Variants in UPK1A observed in about 807,000 individuals in gnomAD.
The protein encoded by UPK1A is uroplakin-1a.
Under a neutral mutation model 32.3 loss-of-function variants are expected in UPK1A, and 31 were observed. That is an observed-to-expected ratio of 0.96 (90% CI 0.72 to 1.30). The LOEUF is 1.30. Among genes scored for constraint, UPK1A ranks in the 50% most tolerant of loss-of-function variants. UPK1A has a pLI of 0.00. For missense variants in UPK1A, 340 were observed against 357.4 expected (o/e 0.95, Z 0.39); for synonymous variants, 135 against 137.1 (o/e 0.98, Z 0.11).
chr19:35,677,823 A>G, exon 7 of UPK1A: 1 of 1,611,804 alleles, frequency 6.2e-7, no homozygotes, highest in Non-Finnish European at 8.5e-7. Flanking sequence ...GCTGCTTCGA[A>G]CACATCGGCC....
At chr19:35,670,520 T>TCTCCCCTCCCCTCGCCTCCC (rs1968074617) in intron 3 of UPK1A, among the ~76,000 whole-genome samples, 1 of 12,820 alleles carries the variant, frequency 7.8e-5, no homozygotes, top group Admixed American at 1.1e-3. Context: ...CCTCGCCTCC[T>TCTCCCCTCCCCTCGCCTCCC]CTCCCCTCCC....
At chr19:35,670,335 C>T (rs1282027970) in intron 3 of UPK1A, among the ~76,000 whole-genome samples, 2 of 151,908 alleles carry the variant, frequency 1.3e-5, no homozygotes, top group East Asian at 1.9e-4. Flanking sequence ...TGGCTTTATC[C>T]TGAGTAAGAT....
exon 8 of UPK1A, chr19:35,678,061 C>A (rs531497608): frequency 6.5e-7 from 1 of 1,527,990 alleles, no homozygotes; most frequent in South Asian, 1.3e-5. Context: ...CGGACTCCTC[C>A]GCATCCTCCT....
chr19:35,674,241 C>CTTTTTTTTTTTTTTTTTTTT (rs35857173), intron 5 of UPK1A, among the ~76,000 whole-genome samples: 15 of 98,976 alleles, frequency 1.5e-4, no homozygotes, highest in Non-Finnish European at 2.3e-4. Flanking sequence ...TTCTTTTTAT[C>CTTTTTTTTTTTTTTTTTTTT]TTTTTTTTTT....
Position 35,673,546 on chromosome 19 carries a change from G to A in UPK1A, c.468+1G>A. 2 of 1,613,094 alleles carry A rather than the reference G, an allele frequency of 1.2e-6. No individual in the cohort carries two copies. Among genetic ancestry groups the A allele is most frequent in the Non-Finnish European group, 1.7e-6 (2 of 1,179,822 alleles). On this transcript the variant is annotated splice_donor_variant, in intron 5 of 7. Coordinates refer to ENST00000617999, the Ensembl canonical transcript of UPK1A. LOFTEE classifies it high-confidence loss of function. The stretch of plus-strand genomic sequence containing the variant: ...CCTCTGGGACCGCGTCATGATTGAG[G>A]TGGGCGGGGTGGACCGGGTGCTGGG...
chr19:35,673,664 T>C, intron 5 of UPK1A, 119 bp downstream of exon 5: 1 of 832,468 alleles, frequency 1.2e-6, no homozygotes, highest in South Asian at 1.7e-5. Flanking sequence ...GCTCATGAGA[T>C]CTCTAGGAGA....
intron 6 of UPK1A, among the ~76,000 whole-genome samples, chr19:35,677,068 C>T (rs1428048955): frequency 2.0e-5 from 3 of 150,266 alleles, no homozygotes; most frequent in Non-Finnish European, 4.4e-5. Flanking sequence ...CAAAAAAGTA[C>T]AGAAAATTAG....
intron 6 of UPK1A, among the ~76,000 whole-genome samples, chr19:35,677,263 C>T (rs963787031): frequency 1.1e-4 from 16 of 151,800 alleles, no homozygotes; most frequent in South Asian, 4.2e-4. Context: ...CACAGTGGCT[C>T]ATGCCTGTAA....
rs1968130100 is a variant in UPK1A, at chr19:35,673,282, C to T, written c.336C>T (p.Ile112=). 3 of 1,613,984 alleles carry T rather than the reference C, an allele frequency of 1.9e-6. No individual in the cohort carries two copies. The Admixed American group carries it at 5.0e-5, about 27-fold the overall frequency. ...ACATCTTCGAGTGCGCCTCCTGCATCACGTCCTACACCCACCGTGACTACG... is the reference window on the plus strand; with the variant it reads ...ACATCTTCGAGTGCGCCTCCTGCATTACGTCCTACACCCACCGTGACTACG... Residue 112 remains isoleucine (I), a synonymous_variant, in exon 4 of 8, where the codon ATC becomes ATT. Transcript: ENST00000617999.
intron 6 of UPK1A, among the ~76,000 whole-genome samples, chr19:35,677,503 G>A (rs1317865085): frequency 6.6e-6 from 1 of 151,644 alleles, no homozygotes; most frequent in Non-Finnish European, 1.5e-5. Flanking sequence ...TGTAGCCTGG[G>A]TGACAGAGGG....
chr19:35,667,516 C>T (rs1463068558), intron 2 of UPK1A, among the ~76,000 whole-genome samples: 1 of 149,022 alleles, frequency 6.7e-6, no homozygotes, highest in Non-Finnish European at 1.5e-5. Flanking sequence ...TTTTTTCAGA[C>T]AGATTCTCCC....
Position 35,666,549 on chromosome 19 carries a change from G to C in UPK1A, c.-5+11G>C. 1 of 492,098 alleles carries C rather than the reference G, an allele frequency of 2.0e-6. No homozygotes were observed. Among genetic ancestry groups the C allele is most frequent in the Non-Finnish European group, 3.7e-6 (1 of 271,170 alleles). 30.5% of individuals were successfully genotyped at this position (492,098 alleles called of 1,614,324 possible). On this transcript the variant is annotated intron_variant, in intron 1 of 7. Coordinates refer to ENST00000617999, the Ensembl canonical transcript of UPK1A. ...CTGCAGACAGAGAAGGTGAGGAGGGGGCCCTGGGAGTCTGGGTATGGCATG... is the reference window on the plus strand; with the variant it reads ...CTGCAGACAGAGAAGGTGAGGAGGGCGCCCTGGGAGTCTGGGTATGGCATG...
chr19:35,674,859 T>C (rs1195538578), intron 5 of UPK1A, among the ~76,000 whole-genome samples: 1 of 151,936 alleles, frequency 6.6e-6, no homozygotes, highest in Non-Finnish European at 1.5e-5. Flanking sequence ...CTGGCCAACA[T>C]GGTGAAACCC....
chr19:35,677,085 G>T (rs909512807), intron 6 of UPK1A, among the ~76,000 whole-genome samples: 2 of 151,820 alleles, frequency 1.3e-5, no homozygotes, highest in African/African-American at 4.8e-5. Context: ...TTAGCCAGGC[G>T]TGGTGGTGCG....
intron 5 of UPK1A, among the ~76,000 whole-genome samples, 173 bp from the exon 6 acceptor site, chr19:35,675,667 G>T (rs551395225): frequency 7.9e-5 from 12 of 152,134 alleles, no homozygotes; most frequent in African/African-American, 2.7e-4. Flanking sequence ...TGTCTGCACC[G>T]TGCTCACACA....
At chr19:35,675,659 T>C (rs11670542) in intron 5 of UPK1A, among the ~76,000 whole-genome samples, 181 bp from the exon 6 acceptor site, 1 of 152,136 alleles carries the variant, frequency 6.6e-6, no homozygotes, top group East Asian at 1.9e-4. Context: ...ACAAATATTG[T>C]CTGCACCGTG....
chr19:35,667,308 TTTG>T (rs944398256), intron 2 of UPK1A, among the ~76,000 whole-genome samples: 9 of 28,248 alleles, frequency 3.2e-4, no homozygotes, highest in Middle Eastern at 0.015. Flanking sequence ...TTTTGTGTTT[TTTG>T]TTTTGTTTTG....
At chr19:35,668,274 C>T in intron 2 of UPK1A, 180 bp from the exon 3 acceptor site, 1 of 719,126 alleles carries the variant, frequency 1.4e-6, no homozygotes, top group South Asian at 1.8e-5. Context: ...TCTGGCTGGG[C>T]TGTCTCTTCT....
chr19:35,673,314 C>G lies in UPK1A; in HGVS notation c.360+8C>G, dbSNP rs200411656. The G allele has an allele frequency of 6.2e-7, 1 of 1,613,974 alleles. No individual in the cohort carries two copies. Among genetic ancestry groups the G allele is most frequent in the Non-Finnish European group, 8.5e-7 (1 of 1,179,992 alleles). The stretch of plus-strand genomic sequence containing the variant: ...TACACCCACCGTGACTACGTGAGCC[C>G]GGCGAGGCCTGGGGAGGGGCCTGAC... On this transcript the variant is annotated splice_region_variant and intron_variant, in intron 4 of 7. Transcript: ENST00000617999.
Sources: gnomAD v4.1 joint callset for allele counts (sites outside exome capture counted in the v4.1 genomes callset) on GRCh38, gnomAD v4.1.1 for gene constraint, MANE v1.5 for transcripts, NCBI Gene and HGNC (gene_info 2026-07-23, HGNC 2026-07-21) for gene names.